Variants in ABCA13 observed in about 807,000 individuals in gnomAD.
ABCA13 encodes ATP-binding cassette sub-family A member 13.
In ABCA13, 476 loss-of-function variants were observed where a neutral mutation model predicts 478.7. The observed-to-expected ratio is 0.99, with a 90% CI of 0.92 to 1.07. ABCA13 has a LOEUF of 1.07. ABCA13 is among the 50% of genes least tolerant of loss of function. The pLI is 0.00. For missense variants in ABCA13, 6,060 were observed against 5,910.6 expected (o/e 1.03, Z -0.83); for synonymous variants, 2,252 against 2,158.9 (o/e 1.04, Z -1.20).
At chr7:48,469,748 G>A (rs1164877387) in intron 44 of ABCA13, among the ~76,000 whole-genome samples, 2 of 152,146 alleles carry the variant, frequency 1.3e-5, no homozygotes, top group Non-Finnish European at 2.9e-5. Context: ...GTGAAACCCC[G>A]TCTCTACTAA....
chr7:48,269,865 C>T (rs1331881598), intron 16 of ABCA13, among the ~76,000 whole-genome samples: 2 of 152,102 alleles, frequency 1.3e-5, no homozygotes, highest in African/African-American at 2.4e-5. Context: ...TTAGTCATTC[C>T]TATGGAACTT....
Position 48,388,292 on chromosome 7 carries a change from T to C in ABCA13, c.11473+333T>C, listed in dbSNP as rs1815497243. Among the ~76,000 whole-genome samples, 3 of 152,218 alleles carry C rather than the reference T, an allele frequency of 2.0e-5. No homozygotes were observed. In the South Asian group the frequency reaches 6.2e-4, roughly 31 times the overall value. ...TCCCAAAATGAATATGTGTAAGAAA[T>C]AAAAGCAAATATGGGCAGCTACCCT... On this transcript the variant is annotated intron_variant, in intron 36 of 61. Transcript: ENST00000435803.
chr7:48,392,091 T>C lies in ABCA13; in HGVS notation c.11825T>C (p.Ile3942Thr), dbSNP rs746998007. ...VREHLLLFAS[I>T]KAPQWTKKEL... ...GAACATTTGCTGCTCTTTGCTTCCA[T>C]AAAGGCGCCTCAGTGGACCAAGAAG... is the stretch of plus-strand genomic sequence containing the variant. The change falls in exon 38 of 62, where the codon ATA (isoleucine) becomes ACA (threonine). Residue 3942 changes from isoleucine to threonine, a missense_variant. This residue lies in a region of ABCA13 where 1,627 missense variants were observed against 1,571.0 expected (regional missense o/e 1.04). Coordinates refer to ENST00000435803, the MANE Select transcript of ABCA13 (RefSeq NM_152701.5). 6.2e-7 allele frequency: 1 copy of C among 1,613,936 alleles called. No homozygotes were observed. Among genetic ancestry groups the C allele is most frequent in the South Asian group, 1.1e-5 (1 of 91,078 alleles).
intron 28 of ABCA13, among the ~76,000 whole-genome samples, chr7:48,336,853 T>C (rs1157098950): frequency 6.6e-6 from 1 of 152,230 alleles, no homozygotes; most frequent in African/African-American, 2.4e-5. Context: ...TTGCAGTTAA[T>C]GGGACAGATA....
intron 58 of ABCA13, among the ~76,000 whole-genome samples, chr7:48,608,906 A>G (rs1232518450): frequency 1.3e-5 from 2 of 152,172 alleles, no homozygotes; most frequent in Non-Finnish European, 2.9e-5. Context: ...ACAATTTACC[A>G]GTTTCTTCAT....
chr7:48,574,624 T>C (rs1787987976), intron 55 of ABCA13, among the ~76,000 whole-genome samples: 1 of 152,318 alleles, frequency 6.6e-6, no homozygotes, highest in Non-Finnish European at 1.5e-5. Context: ...TCTCAAGTCC[T>C]GTCTGCTCTG....
chr7:48,504,881 A>T lies in ABCA13; in HGVS notation c.13292-1455A>T, dbSNP rs147557754. Among the ~76,000 whole-genome samples the T allele has an allele frequency of 4.2e-3, 646 of 152,288 alleles. 1 individual carries two copies. Among genetic ancestry groups the T allele is most frequent in the Admixed American group, 8.8e-3 (134 of 15,300 alleles). ...CAACACTTTAGCTAGGAAGGACAGG[A>T]CTGGCAGGCCCCATGAGGTGTAGGC... On this transcript the variant is annotated intron_variant, in intron 48 of 61. Coordinates refer to ENST00000435803, the MANE Select transcript of ABCA13 (RefSeq NM_152701.5).
At chr7:48,459,302 A>G (rs1355794556) in intron 43 of ABCA13, among the ~76,000 whole-genome samples, 1 of 152,104 alleles carries the variant, frequency 6.6e-6, no homozygotes, top group Non-Finnish European at 1.5e-5. Flanking sequence ...TGATATTGCC[A>G]CATCTTAGCA....
chr7:48,347,223 T>G (rs1808257764), intron 29 of ABCA13, among the ~76,000 whole-genome samples: 1 of 152,172 alleles, frequency 6.6e-6, no homozygotes, highest in Non-Finnish European at 1.5e-5. Context: ...TCCAAAGGAA[T>G]CACTTTTGCA....
intron 32 of ABCA13, among the ~76,000 whole-genome samples, chr7:48,371,605 A>G (rs1812646360): frequency 6.6e-6 from 1 of 152,082 alleles, no homozygotes; most frequent in Non-Finnish European, 1.5e-5. Flanking sequence ...CTGTTGGTGT[A>G]TAGGAATGCT....
chr7:48,283,105 G>A (rs529767477), intron 19 of ABCA13, among the ~76,000 whole-genome samples: 1 of 152,280 alleles, frequency 6.6e-6, no homozygotes, highest in Non-Finnish European at 1.5e-5. Flanking sequence ...GGGGCCTGGG[G>A]AGGATGTTGT....
At chr7:48,436,760 A>T (rs1454312299) in intron 42 of ABCA13, among the ~76,000 whole-genome samples, 1 of 150,006 alleles carries the variant, frequency 6.7e-6, no homozygotes, top group Non-Finnish European at 1.5e-5. Flanking sequence ...TTTTCTTGTG[A>T]TTTACTATTT....
At chr7:48,425,853 T>C (rs1821342860) in intron 41 of ABCA13, among the ~76,000 whole-genome samples, 1 of 152,110 alleles carries the variant, frequency 6.6e-6, no homozygotes, top group Admixed American at 6.5e-5. Flanking sequence ...GCCATTCTCC[T>C]GCCTCAGCCT....
chr7:48,631,276 T>A (rs1794140108), intron 59 of ABCA13, among the ~76,000 whole-genome samples: 1 of 152,100 alleles, frequency 6.6e-6, no homozygotes, highest in Non-Finnish European at 1.5e-5. Flanking sequence ...TCTTCTATGA[T>A]TTTTTTAGTT....
Position 48,242,424 on chromosome 7 carries a change from G to GT in ABCA13, c.1262+1367dup, listed in dbSNP as rs1326920068. On this transcript the variant is annotated intron_variant, in intron 10 of 61. Transcript: ENST00000435803. ...ACACTGGCTTTGCTGTCCATCTGCT[G>GT]TTTTTTTTTCTTTGTTTTGTTTTGT... 3.3e-5 allele frequency among the ~76,000 whole-genome samples: 5 copies of GT among 151,168 alleles called. No individual in the cohort carries two copies. In the East Asian group the frequency reaches 5.9e-4, roughly 18 times the overall value.
intron 55 of ABCA13, among the ~76,000 whole-genome samples, chr7:48,530,432 A>G (rs1156456361): frequency 6.6e-6 from 1 of 152,106 alleles, no homozygotes; most frequent in Non-Finnish European, 1.5e-5. Context: ...TTGCAATTGC[A>G]AATTATGCTG....
chr7:48,344,497 C>T (rs1295835978), intron 29 of ABCA13, among the ~76,000 whole-genome samples: 3 of 152,202 alleles, frequency 2.0e-5, no homozygotes, highest in Non-Finnish European at 4.4e-5. Flanking sequence ...TTGTATTATT[C>T]TCTGGGGCTT....
At chr7:48,389,404 C>T (rs1460165667) in intron 37 of ABCA13, among the ~76,000 whole-genome samples, 184 bp downstream of exon 37, 1 of 152,140 alleles carries the variant, frequency 6.6e-6, no homozygotes, top group Non-Finnish European at 1.5e-5. Context: ...GGCCCTATGT[C>T]TTCAACCGCA....
At chr7:48,431,936 G>T (rs1822206180) in intron 42 of ABCA13, among the ~76,000 whole-genome samples, 1 of 152,184 alleles carries the variant, frequency 6.6e-6, no homozygotes, top group Admixed American at 6.5e-5. Context: ...TGGCAGAGGG[G>T]ACCACACCAC....
Sources: gnomAD v4.1 joint callset for allele counts (sites outside exome capture counted in the v4.1 genomes callset) on GRCh38, gnomAD v4.1.1 for gene constraint, gnomAD v4.1.1 regional missense constraint, MANE v1.5 for transcripts, NCBI Gene and HGNC (gene_info 2026-07-23, HGNC 2026-07-21) for gene names.